Variants in GALNT18 observed in about 807,000 individuals in gnomAD.
The protein encoded by GALNT18 is GalNAc-transferase 18.
In GALNT18, 44 loss-of-function variants were observed where a neutral mutation model predicts 69.5. The ratio of observed to expected loss-of-function variants is 0.63; its 90% CI spans 0.50 to 0.81. GALNT18 has a LOEUF of 0.81. GALNT18 is among the 40% of genes least tolerant of loss of function. GALNT18 has a pLI of 0.00. For synonymous variants in GALNT18, 364 were observed against 318.2 expected (o/e 1.14, Z -1.53); for missense variants, 715 against 810.0 (o/e 0.88, Z 1.42).
chr11:11,284,895 T>G (rs1422104823), intron 10 of GALNT18, among the ~76,000 whole-genome samples: 1 of 144,236 alleles, frequency 6.9e-6, no homozygotes, highest in Non-Finnish European at 1.5e-5. Context: ...GATTTACTAG[T>G]AAAGACTTTC....
At chr11:11,466,727 G>C (rs1044452884) in intron 1 of GALNT18, among the ~76,000 whole-genome samples, 3 of 152,212 alleles carry the variant, frequency 2.0e-5, no homozygotes, top group African/African-American at 7.2e-5. Flanking sequence ...CAGGGGAAAC[G>C]ATGAGGCCAA....
At chr11:11,363,375 G>T (rs941346485) in intron 6 of GALNT18, among the ~76,000 whole-genome samples, 1 of 152,304 alleles carries the variant, frequency 6.6e-6, no homozygotes, top group African/African-American at 2.4e-5. Flanking sequence ...CTAGATAAGT[G>T]TGGATAATAG....
chr11:11,437,781 C>T (rs972398882), intron 2 of GALNT18, among the ~76,000 whole-genome samples: 1 of 151,532 alleles, frequency 6.6e-6, no homozygotes. Flanking sequence ...GAAGAGTAAG[C>T]AGGCCCCTTC....
In GALNT18 at chr11:11,435,558, T is replaced by C. The variant is rs1855379502; in HGVS notation, c.429-2771A>G. ...AACCTGTTTATTGTCTGCCCCTCTC[T>C]ACTAGAATGAAGCCCCCTGAGAGCA... On this transcript the variant is annotated intron_variant, in intron 2 of 10. Coordinates refer to ENST00000227756, the MANE Select transcript of GALNT18 (RefSeq NM_198516.3). The surrounding 1 kb of genome is among the most constrained non-coding windows in gnomAD (Gnocchi z 4.4). Among the ~76,000 whole-genome samples, 1 of 152,222 alleles carries C rather than the reference T, an allele frequency of 6.6e-6. No homozygotes were observed. The highest frequency in any genetic ancestry group is 2.4e-5 in the African/African-American group (1 of 41,452).
At chr11:11,374,773 A>C (rs1156328019) in intron 5 of GALNT18, among the ~76,000 whole-genome samples, 1 of 152,274 alleles carries the variant, frequency 6.6e-6, no homozygotes, top group Non-Finnish European at 1.5e-5. Flanking sequence ...ATAGAGAACC[A>C]TAAATAGATA....
rs548309789 is a variant in GALNT18, at chr11:11,478,907, C to T, written c.236-29971G>A. ...TCTGCCCCTGGCTGTCTGTCTCTTGCGGCATCTCGGCATCTCCCGCGGAGG... is the reference window on the plus strand; with the variant it reads ...TCTGCCCCTGGCTGTCTGTCTCTTGTGGCATCTCGGCATCTCCCGCGGAGG... On this transcript the variant is annotated intron_variant, in intron 1 of 10. Coordinates refer to ENST00000227756, the MANE Select transcript of GALNT18 (RefSeq NM_198516.3). 5.3e-5 allele frequency among the ~76,000 whole-genome samples: 8 copies of T among 152,228 alleles called. No individual in the cohort carries two copies. In the East Asian group the frequency reaches 7.7e-4, roughly 15 times the overall value.
At chr11:11,548,825 C>A (rs1432622066) in intron 1 of GALNT18, among the ~76,000 whole-genome samples, 1 of 152,212 alleles carries the variant, frequency 6.6e-6, no homozygotes, top group African/African-American at 2.4e-5. Context: ...AAACTCAACA[C>A]AAATACAAAT....
At chr11:11,336,141 A>G (rs12224559) in intron 7 of GALNT18, among the ~76,000 whole-genome samples, 7,212 of 152,322 alleles carry the variant, frequency 0.047, 242 homozygotes, top group East Asian at 0.18. Context: ...TCTTTGGGCA[A>G]GAGAAGCAGT....
intron 6 of GALNT18, chr11:11,353,066 G>C (rs1850451874): frequency 2.5e-6 from 4 of 1,614,174 alleles, no homozygotes; most frequent in Middle Eastern, 1.6e-4. Context: ...CTCGAGGTCT[G>C]TGTGTATTAA....
chr11:11,336,451 C>T (rs142878274), intron 7 of GALNT18, among the ~76,000 whole-genome samples: 21 of 152,258 alleles, frequency 1.4e-4, no homozygotes, highest in African/African-American at 4.6e-4. Flanking sequence ...ATCACATCAC[C>T]GACAAGAGTT....
At chr11:11,452,170 T>C (rs1855815061) in intron 1 of GALNT18, among the ~76,000 whole-genome samples, 1 of 152,254 alleles carries the variant, frequency 6.6e-6, no homozygotes, top group Non-Finnish European at 1.5e-5. Flanking sequence ...AGGCCTTGCC[T>C]CTCTGAACTC....
At chr11:11,327,003 C>A in intron 9 of GALNT18, 83 bp downstream of exon 9, 1 of 1,027,706 alleles carries the variant, frequency 9.7e-7, no homozygotes, top group Non-Finnish European at 1.5e-6. Flanking sequence ...GCTCTCCTTC[C>A]CCATGACAGA....
In GALNT18 at chr11:11,352,627, C is replaced by T. The variant is rs1351083312; in HGVS notation, c.1093-11623G>A. On this transcript the variant is annotated intron_variant, in intron 6 of 10. Coordinates refer to ENST00000227756, the MANE Select transcript of GALNT18 (RefSeq NM_198516.3). ...AGTCGTAGCTTTCTGTGCTCATGATCAATCATGACATTATGGGGCTTGACA... is the reference window on the plus strand; with the variant it reads ...AGTCGTAGCTTTCTGTGCTCATGATTAATCATGACATTATGGGGCTTGACA... 4 of 1,614,186 alleles carry T rather than the reference C, an allele frequency of 2.5e-6. No individual in the cohort carries two copies. In the Admixed American group the frequency reaches 5.0e-5, roughly 20 times the overall value.
In GALNT18 at chr11:11,563,214, T is replaced by C. The variant is rs923206108; in HGVS notation, c.235+58145A>G. ...AATGTGTCCTCCCCAAGCCATAATG[T>C]GGCTGTTCACCTTGCACCTCCCCGG... On this transcript the variant is annotated intron_variant, in intron 1 of 10. Coordinates refer to ENST00000227756, the MANE Select transcript of GALNT18 (RefSeq NM_198516.3). The surrounding 1 kb of genome is among the most constrained non-coding windows in gnomAD (Gnocchi z 4.6). 6.6e-6 allele frequency among the ~76,000 whole-genome samples: 1 copy of C among 152,196 alleles called. No homozygotes were observed. The highest frequency in any genetic ancestry group is 6.5e-5 in the Admixed American group (1 of 15,276).
At chr11:11,277,157 G>C (rs1182230266) in intron 10 of GALNT18, among the ~76,000 whole-genome samples, 1 of 152,118 alleles carries the variant, frequency 6.6e-6, no homozygotes, top group Non-Finnish European at 1.5e-5. Context: ...TTTTTTGGTG[G>C]GTAGGCTAGT....
Position 11,340,797 on chromosome 11 carries a change from CATCCCTACCGGAG to C in GALNT18, c.1278+9_1278+21del. On this transcript the variant is annotated intron_variant, in intron 7 of 10. Coordinates refer to ENST00000227756, the MANE Select transcript of GALNT18 (RefSeq NM_198516.3). This position sits in a 1 kb window ranked among gnomAD's most constrained non-coding sequence, Gnocchi z 4.2. ...GTTTTCCACCAATCCCCGAGAAACT[CATCCCTACCGGAG>C]ATCCCTACCTCCTGCGGTATGTTCC... The C allele has an allele frequency of 1.9e-6, 3 of 1,582,654 alleles. No individual in the cohort carries two copies. Among genetic ancestry groups the C allele is most frequent in the Non-Finnish European group, 2.6e-6 (3 of 1,162,450 alleles).
chr11:11,398,329 G>C (rs942263072), intron 3 of GALNT18, among the ~76,000 whole-genome samples: 1 of 152,232 alleles, frequency 6.6e-6, no homozygotes, highest in Non-Finnish European at 1.5e-5. Flanking sequence ...TCACTGGGTA[G>C]CTGGTGAAAT....
At chr11:11,437,830 T>C (rs922304159) in intron 2 of GALNT18, among the ~76,000 whole-genome samples, 1 of 151,838 alleles carries the variant, frequency 6.6e-6, no homozygotes, top group African/African-American at 2.4e-5. Context: ...TTGGGGTCTG[T>C]CTGCCAAGAC....
At chr11:11,351,105 C>T (rs780034545) in intron 6 of GALNT18, among the ~76,000 whole-genome samples, 2 of 152,140 alleles carry the variant, frequency 1.3e-5, no homozygotes, top group African/African-American at 2.4e-5. Context: ...TGGAAGGTGA[C>T]CGCTTCCCAA....
Sources: gnomAD v4.1 joint callset for allele counts (sites outside exome capture counted in the v4.1 genomes callset) on GRCh38, gnomAD v4.1.1 for gene constraint, Gnocchi (gnomAD v3.1) non-coding constraint, MANE v1.5 for transcripts, NCBI Gene and HGNC (gene_info 2026-07-23, HGNC 2026-07-21) for gene names.